The following LSS variants were observed in gnomAD, a reference collection of about 807,000 sequenced individuals.
The protein encoded by LSS is lanosterol synthase, also known as 2,3-epoxysqualene-lanosterol cyclase.
In LSS, 90 loss-of-function variants were observed where a neutral mutation model predicts 110.3. The observed-to-expected ratio is 0.82, with a 90% CI of 0.69 to 0.97. LSS has a LOEUF of 0.97. Among genes scored for constraint, LSS ranks in the 50% least tolerant of loss-of-function variants. The probability of loss-of-function intolerance (pLI) is 0.00; values close to 1 mark genes in which losing one functional copy is unlikely to be tolerated. For missense variants in LSS, 927 were observed against 990.0 expected (o/e 0.94, Z 0.85); for synonymous variants, 433 against 400.0 (o/e 1.08, Z -0.98).
At chr21:46,218,727 CTT>C (rs550015362) in intron 6 of LSS, among the ~76,000 whole-genome samples, 25 of 137,022 alleles carry the variant, frequency 1.8e-4, no homozygotes, top group South Asian at 2.3e-4. Flanking sequence ...AAACACTGAT[CTT>C]TTTTTTTTTT....
At chr21:46,214,316 C>T (rs756834095) in intron 9 of LSS, among the ~76,000 whole-genome samples, 1 of 152,220 alleles carries the variant, frequency 6.6e-6, no homozygotes, top group African/African-American at 2.4e-5. Flanking sequence ...AGTCAAGATC[C>T]AATTGCAAGC....
At chr21:46,222,577 C>A in intron 4 of LSS, 53 bp downstream of exon 4, 1 of 1,514,930 alleles carries the variant, frequency 6.6e-7, no homozygotes, top group Non-Finnish European at 9.1e-7. Flanking sequence ...TCTCCTACAT[C>A]ATGAGAACAC....
chr21:46,210,544 T>C (rs974550297), intron 12 of LSS, 144 bp downstream of exon 12: 41 of 848,400 alleles, frequency 4.8e-5, no homozygotes, highest in Admixed American at 6.4e-5. Context: ...CACGACCCTC[T>C]GAAGCCAGAG....
intron 12 of LSS, 21 bp downstream of exon 12, chr21:46,210,666 GA>G (rs750689510): frequency 2.7e-5 from 43 of 1,613,088 alleles, no homozygotes. Flanking sequence ...CTGAGGCTGA[GA>G]AAAGAGAAGG....
At chr21:46,192,026 A>C in intron 20 of LSS, 67 bp from the exon 21 acceptor site, 1 of 1,196,038 alleles carries the variant, frequency 8.4e-7, no homozygotes, top group Non-Finnish European at 1.2e-6. Flanking sequence ...TCACCCTCAC[A>C]CAGCCGAGCA....
chr21:46,228,288 C>T (rs2080381138), intron 2 of LSS, 146 bp downstream of exon 2: 2 of 845,268 alleles, frequency 2.4e-6, no homozygotes, highest in Non-Finnish European at 1.8e-6. Flanking sequence ...CGGAGGGGCC[C>T]GCGAACGCAG....
chr21:46,202,951 C>T (rs980205840), intron 17 of LSS, among the ~76,000 whole-genome samples: 1 of 152,230 alleles, frequency 6.6e-6, no homozygotes, highest in Non-Finnish European at 1.5e-5. Flanking sequence ...GCGATTAAGT[C>T]ACCATTGCTC....
chr21:46,215,436 C>T lies in LSS; in HGVS notation c.893-138G>A, dbSNP rs536909410. On this transcript the variant is annotated intron_variant, in intron 8 of 21. Transcript: ENST00000397728. ...CACCCCCAGGCCTGGTCTCTGAGCT[C>T]CTCCTTCCCTGCCCAGGAGGGGCTG... The T allele has an allele frequency of 1.6e-5, 8 of 512,322 alleles. No individual in the cohort carries two copies. The East Asian group carries it at 3.0e-4, about 19-fold the overall frequency. The allele number at this position is 512,322 out of a possible 1,614,324, so 31.7% of individuals were successfully genotyped here. A position where few individuals can be genotyped will look rare whatever the true frequency, so the allele number is the denominator to read the frequency against.
chr21:46,192,229 G>A (rs1013777978), intron 20 of LSS: 1 of 554,308 alleles, frequency 1.8e-6, no homozygotes, highest in South Asian at 2.0e-5. Flanking sequence ...CCCCCCTGAA[G>A]AGGACGCCAA....
At chr21:46,222,778 G>T in intron 3 of LSS, 40 bp from the exon 4 acceptor site, 1 of 1,483,606 alleles carries the variant, frequency 6.7e-7, no homozygotes, top group Non-Finnish European at 9.4e-7. Flanking sequence ...GGGACAGGTG[G>T]TCATGACTGC....
At chr21:46,206,623 T>C in intron 16 of LSS, 49 bp downstream of exon 16, 1 of 1,509,642 alleles carries the variant, frequency 6.6e-7, no homozygotes, top group East Asian at 2.3e-5. Context: ...TGTACCACAG[T>C]GCTAGCCAGC....
intron 3 of LSS, among the ~76,000 whole-genome samples, chr21:46,227,077 C>T (rs897318747): frequency 4.6e-5 from 7 of 152,180 alleles, no homozygotes; most frequent in Non-Finnish European, 8.8e-5. Flanking sequence ...TCTTGTGTAG[C>T]CAAATCAGTT....
chr21:46,222,787 G>T (rs1248946032), intron 3 of LSS, 49 bp from the exon 4 acceptor site: 7 of 1,402,928 alleles, frequency 5.0e-6, no homozygotes, highest in Non-Finnish European at 7.0e-6. Context: ...GGTCATGACT[G>T]CTAAGACCAG....
intron 17 of LSS, among the ~76,000 whole-genome samples, chr21:46,202,372 C>T (rs1387765113): frequency 7.3e-6 from 1 of 137,842 alleles, no homozygotes; most frequent in East Asian, 2.1e-4. Context: ...CCAGCCTGGG[C>T]GACAGAGCGA....
chr21:46,213,902 CG>C, intron 9 of LSS, 67 bp from the exon 10 acceptor site: 1 of 1,139,518 alleles, frequency 8.8e-7, no homozygotes, highest in Non-Finnish European at 1.3e-6. Context: ...GACAAGGTCT[CG>C]TCCAGATCCA....
In LSS at chr21:46,190,985, T is replaced by C; in HGVS notation, c.*119A>G. 1.6e-6 allele frequency: 2 copies of C among 1,224,956 alleles called. No homozygotes were observed. The highest frequency in any genetic ancestry group is 1.5e-5 in the South Asian group (1 of 68,938). 75.9% of individuals were successfully genotyped at this position (1,224,956 alleles called of 1,614,324 possible). ...AGCCTGGCCCCCAGATTCACATCTA[T>C]GAGATAGAGGTTGAGGGGTTGGAGC... On this transcript the variant is annotated 3_prime_UTR_variant, in exon 22 of 22. Coordinates refer to ENST00000397728, the MANE Select transcript of LSS (RefSeq NM_002340.6). The surrounding 1 kb of genome is among the most constrained non-coding windows in gnomAD (Gnocchi z 4.6).
chr21:46,205,987 G>A (rs1193487304), intron 16 of LSS, 46 bp from the exon 17 acceptor site: 4 of 1,425,318 alleles, frequency 2.8e-6, no homozygotes, highest in Non-Finnish European at 3.9e-6. Context: ...CACCCTGGCT[G>A]CCCAGGCTCT....
At position 46,216,321 on chromosome 21, in the gene LSS, C is replaced by T. The variant is rs887238524; in HGVS notation, c.783+68G>A. ...GTGAGTGGACAGGTGTGGTTAGATT[C>T]CAGAAGCCCCAGGCCCTGTGGGTCC... On this transcript the variant is annotated intron_variant, in intron 7 of 21. Transcript: ENST00000397728. This position sits in a 1 kb window ranked among gnomAD's most constrained non-coding sequence, Gnocchi z 4.2. 12 of 1,603,842 alleles carry T rather than the reference C, an allele frequency of 7.5e-6. No homozygotes were observed. Among genetic ancestry groups the T allele is most frequent in the Admixed American group, 1.7e-5 (1 of 59,874 alleles).
chr21:46,196,813 G>A (rs934260946), intron 17 of LSS, among the ~76,000 whole-genome samples: 5 of 152,222 alleles, frequency 3.3e-5, no homozygotes, highest in Admixed American at 1.3e-4. Context: ...CTGTGTGACC[G>A]CGACTCCCAT....
Sources: allele counts gnomAD v4.1 joint callset (sites outside exome capture counted in the v4.1 genomes callset), GRCh38; gene constraint gnomAD v4.1.1; non-coding constraint Gnocchi (gnomAD v3.1); transcripts MANE v1.5; gene names NCBI Gene and HGNC (gene_info 2026-07-23, HGNC 2026-07-21).